P2RY6: variants seen among roughly 807,000 people sequenced by gnomAD.
P2RY6 encodes P2Y purinoceptor 6.
In P2RY6, 19 loss-of-function variants were observed where a neutral mutation model predicts 16.3. That is an observed-to-expected ratio of 1.16 (90% confidence interval 0.81 to 1.71). The LOEUF is 1.71. Ranked by LOEUF, P2RY6 falls within the 40% of genes most tolerant of loss-of-function variation. The pLI is 0.00. For synonymous variants in P2RY6, 184 were observed against 201.5 expected, an observed-to-expected ratio of 0.91 and a Z score of 0.74; for missense variants, 389 against 455.5, an observed-to-expected ratio of 0.85 and a Z score of 1.33.
intron 1 of P2RY6, among the ~76,000 whole-genome samples, chr11:73,292,319 A>G (rs1864289408): frequency 6.6e-6 from 1 of 152,208 alleles, no homozygotes; most frequent in South Asian, 2.1e-4. Context: ...CGGCTGAGTA[A>G]GTTTGTACGT....
intron 1 of P2RY6, among the ~76,000 whole-genome samples, chr11:73,280,443 C>T (rs148033746): frequency 8.5e-5 from 13 of 152,210 alleles, no homozygotes; most frequent in Non-Finnish European, 1.6e-4. Context: ...TGTTCACCAT[C>T]CTTCAACAGG....
chr11:73,290,502 T>G (rs34023835), intron 1 of P2RY6, among the ~76,000 whole-genome samples: 1 of 152,116 alleles, frequency 6.6e-6, no homozygotes, highest in Non-Finnish European at 1.5e-5. Flanking sequence ...AGGTTCATGA[T>G]GGGCCAGCCC....
In P2RY6 at chr11:73,297,096, G is replaced by A. The variant is rs746873729; in HGVS notation, c.578G>A (p.Gly193Asp). The A allele has an allele frequency of 2.5e-6, 4 of 1,603,288 alleles. No individual in the cohort carries two copies. In the African/African-American group the frequency reaches 5.3e-5, roughly 21 times the overall value. Reference protein sequence around the residue: ...PALATHYMPYGMALTVIGFLL... With the variant: ...PALATHYMPYDMALTVIGFLL... ...CTGGCCACCCACTATATGCCCTATG[G>A]CATGGCTCTCACTGTCATCGGCTTC... is the stretch of plus-strand genomic sequence containing the variant. The change falls in exon 3 of 3, where the codon GGC becomes GAC. Residue 193 changes from glycine (G) to aspartate (D), a missense_variant. Transcript: ENST00000540124.
At chr11:73,279,873 C>G (rs1001304333) in intron 1 of P2RY6, among the ~76,000 whole-genome samples, 2 of 152,190 alleles carry the variant, frequency 1.3e-5, no homozygotes, top group Admixed American at 6.5e-5. Context: ...CATTCCTCCC[C>G]AGAAAGAGTC....
chr11:73,297,452 C>T lies in P2RY6; in HGVS notation c.934C>T (p.Pro312Ser), dbSNP rs554148229. 1.9e-6 allele frequency: 3 copies of T among 1,612,516 alleles called. No individual in the cohort carries two copies. Among genetic ancestry groups the T allele is most frequent in the Non-Finnish European group, 2.5e-6 (3 of 1,179,760 alleles). ...CACCCAGAAGAAGTTCCGCCGGCGACCACATGAGCTCCTACAGAAACTCAC... is the reference window on the plus strand; with the variant it reads ...CACCCAGAAGAAGTTCCGCCGGCGATCACATGAGCTCCTACAGAAACTCAC... Reference protein sequence around the residue: ...YFTQKKFRRRPHELLQKLTAK... With the variant: ...YFTQKKFRRRSHELLQKLTAK... Residue 312 changes from proline (P) to serine (S), a missense_variant, in exon 3 of 3, where the codon CCA becomes TCA. Transcript: ENST00000540124.
chr11:73,296,532 A>G lies in P2RY6; in HGVS notation c.14A>G (p.Asn5Ser). 6.2e-7 allele frequency: 1 copy of G among 1,613,754 alleles called. No individual in the cohort carries two copies. Among genetic ancestry groups the G allele is most frequent in the Non-Finnish European group, 8.5e-7 (1 of 1,179,716 alleles). MEWD[N>S]GTGQALGLPP... ...ACCTGGGCAGCCATGGAATGGGACA[A>G]TGGCACAGGCCAGGCTCTGGGCTTG... Residue 5 changes from asparagine (N) to serine (S), a missense_variant, in exon 3 of 3, where the codon AAT becomes AGT. Coordinates refer to ENST00000540124, the MANE Select transcript of P2RY6 (RefSeq NM_001277204.2).
upstream of P2RY6, chr11:73,272,200 G>C (rs1013115066): frequency 3.2e-5 from 7 of 221,022 alleles, no homozygotes; most frequent in African/African-American, 1.6e-4. Flanking sequence ...GGTAGAGGAT[G>C]AGTCAGCATT....
At position 73,266,625 on chromosome 11, in the gene P2RY6, G is replaced by C. The variant is rs534929180; in HGVS notation, c.-281+1976G>C. Among the ~76,000 whole-genome samples, 45 of 152,368 alleles carry C rather than the reference G, an allele frequency of 3.0e-4. No individual in the cohort carries two copies. In the East Asian group the frequency reaches 8.5e-3, roughly 29 times the overall value. On this transcript the variant is annotated intron_variant, in intron 1 of 3. Transcript: ENST00000349767. ...CTGCATTGGCAGAGCAAGTGCCCCT[G>C]TTCCTGTTGACTTCATTGAGTCAGT...
chr11:73,282,484 A>G (rs1863804086), intron 1 of P2RY6, among the ~76,000 whole-genome samples: 2 of 151,934 alleles, frequency 1.3e-5, no homozygotes, highest in Admixed American at 6.6e-5. Flanking sequence ...GCAAACACAA[A>G]CACTTGCAGG....
intron 1 of P2RY6, among the ~76,000 whole-genome samples, chr11:73,292,309 C>T (rs772652479): frequency 1.7e-4 from 26 of 152,226 alleles, no homozygotes; most frequent in South Asian, 4.1e-4. Context: ...GGGGAGAAGG[C>T]GGCTGAGTAA....
intron 1 of P2RY6, among the ~76,000 whole-genome samples, chr11:73,274,247 TAAC>T (rs1204704217): frequency 6.6e-6 from 1 of 152,172 alleles, no homozygotes; most frequent in Non-Finnish European, 1.5e-5. Flanking sequence ...AAAACTTTAT[TAAC>T]TGTTGTGGCT....
chr11:73,286,535 C>T (rs182685301), intron 1 of P2RY6, among the ~76,000 whole-genome samples: 33 of 151,300 alleles, frequency 2.2e-4, no homozygotes, highest in Admixed American at 1.6e-3. Context: ...CTTCATTCTC[C>T]TTGACAAATC....
chr11:73,271,036 GC>G (rs1863283314), upstream of P2RY6, among the ~76,000 whole-genome samples: 1 of 152,234 alleles, frequency 6.6e-6, no homozygotes, highest in African/African-American at 2.4e-5. Context: ...TGTCTCAAGG[GC>G]AGGACTTTGT....
chr11:73,284,488 G>A (rs1863888773), intron 1 of P2RY6, among the ~76,000 whole-genome samples: 2 of 152,162 alleles, frequency 1.3e-5, no homozygotes, highest in South Asian at 2.1e-4. Context: ...GCCTAGCCCT[G>A]CCAGGCGAAG....
chr11:73,272,570 G>C, intron 1 of P2RY6, 104 bp downstream of exon 1: 1 of 921,880 alleles, frequency 1.1e-6, no homozygotes, highest in Non-Finnish European at 1.3e-6. Flanking sequence ...GCTCATCACA[G>C]GCAAGAGTGG....
chr11:73,296,432 C>T lies in P2RY6; in HGVS notation c.-34-53C>T. ...ATCAAGGCCCGAGGAGGGGCAGGGCCTGCTGGGTGGTGAGTGAGCATGTCA... is the reference window on the plus strand; with the variant it reads ...ATCAAGGCCCGAGGAGGGGCAGGGCTTGCTGGGTGGTGAGTGAGCATGTCA... On this transcript the variant is annotated intron_variant, in intron 2 of 2. Transcript: ENST00000540124. 4 of 1,517,162 alleles carry T rather than the reference C, an allele frequency of 2.6e-6. No homozygotes were observed. The South Asian group carries it at 4.9e-5, about 19-fold the overall frequency. The allele number at this position is 1,517,162 out of a possible 1,614,324, so 94.0% of individuals were successfully genotyped here.
chr11:73,272,925 C>G (rs1463852237), intron 1 of P2RY6, among the ~76,000 whole-genome samples: 1 of 152,090 alleles, frequency 6.6e-6, no homozygotes, highest in Non-Finnish European at 1.5e-5. Context: ...ACGGAGGAGG[C>G]TGGGCCCTGC....
intron 1 of P2RY6, among the ~76,000 whole-genome samples, chr11:73,280,049 G>A (rs927415172): frequency 6.6e-6 from 1 of 152,184 alleles, no homozygotes; most frequent in Non-Finnish European, 1.5e-5. Context: ...ACTGATGGAA[G>A]GGCAAGGCCA....
upstream of P2RY6, chr11:73,269,956 G>A (rs565801441): frequency 6.6e-6 from 1 of 152,414 alleles, no homozygotes; most frequent in South Asian, 2.1e-4. Context: ...TGTCTTTTCG[G>A]AAGAACTGGT....
Sources: allele counts gnomAD v4.1 joint callset (sites outside exome capture counted in the v4.1 genomes callset), GRCh38; gene constraint gnomAD v4.1.1; transcripts MANE v1.5; gene names NCBI Gene and HGNC (gene_info 2026-07-23, HGNC 2026-07-21).